Variants in RGS22 observed in about 807,000 individuals in gnomAD.
The protein encoded by RGS22 is regulator of G-protein signaling 22.
Under a neutral mutation model 172.9 loss-of-function variants are expected in RGS22, and 148 were observed. That is an observed-to-expected ratio of 0.86 (90% CI 0.75 to 0.98). The LOEUF is 0.98. RGS22 is among the 50% of genes least tolerant of loss of function. The pLI is 0.00. For synonymous variants in RGS22, 458 were observed against 480.2 expected (o/e 0.95, Z 0.60); for missense variants, 1,347 against 1,440.8 (o/e 0.93, Z 1.05).
chr8:99,961,544 T>C (rs150900435), intron 27 of RGS22, among the ~76,000 whole-genome samples: 2 of 152,326 alleles, frequency 1.3e-5, no homozygotes, highest in African/African-American at 4.8e-5. Flanking sequence ...TCAGCCATGA[T>C]TGTAAGTTTC....
chr8:100,002,091 A>G, intron 18 of RGS22, 111 bp downstream of exon 18: 1 of 753,452 alleles, frequency 1.3e-6, no homozygotes, highest in Non-Finnish European at 2.1e-6. Flanking sequence ...TTAACACATT[A>G]GTCATAAGCA....
rs62532876 is a variant in RGS22, at chr8:100,028,918, C to T, written c.2166+10013G>A. On this transcript the variant is annotated intron_variant, in intron 14 of 27. Transcript: ENST00000360863. ...AATATAGCAACGGTGATGATTTGTACGTGATTACATGTATGTGGTTACATT... is the reference window on the plus strand; with the variant it reads ...AATATAGCAACGGTGATGATTTGTATGTGATTACATGTATGTGGTTACATT... Among the ~76,000 whole-genome samples the T allele has an allele frequency of 1.3e-3, 203 of 152,236 alleles. 2 individuals are homozygous for T. Among genetic ancestry groups the T allele is most frequent in the Non-Finnish European group, 1.8e-3 (122 of 68,020 alleles).
intron 2 of RGS22, 25 bp downstream of exon 2, chr8:100,105,349 A>G (rs775667317): frequency 6.3e-7 from 1 of 1,592,344 alleles, no homozygotes; most frequent in Non-Finnish European, 8.6e-7. Context: ...CAAAGAAAAA[A>G]ATAGCCCCTT....
chr8:99,982,235 G>T, intron 21 of RGS22, 119 bp from the exon 22 acceptor site: 1 of 745,698 alleles, frequency 1.3e-6, no homozygotes, highest in Non-Finnish European at 2.0e-6. Flanking sequence ...CAAGAAGGCA[G>T]TGGGATATTT....
chr8:99,979,100 G>A (rs1341487818), intron 22 of RGS22, among the ~76,000 whole-genome samples: 4 of 152,042 alleles, frequency 2.6e-5, no homozygotes, highest in Admixed American at 1.3e-4. Flanking sequence ...TTGATGAAAC[G>A]CAGGCTTTTA....
chr8:100,070,397 TCAAAAAA>T (rs1810880559), intron 6 of RGS22, among the ~76,000 whole-genome samples: 1 of 152,140 alleles, frequency 6.6e-6, no homozygotes, highest in Admixed American at 6.5e-5. Flanking sequence ...AAGCCTAATT[TCAAAAAA>T]CTATTTGAGA....
At chr8:99,994,470 A>T (rs1378156122) in intron 20 of RGS22, among the ~76,000 whole-genome samples, 1 of 152,200 alleles carries the variant, frequency 6.6e-6, no homozygotes, top group African/African-American at 2.4e-5. Flanking sequence ...TGCAATATTA[A>T]CAGACAAACA....
intron 20 of RGS22, among the ~76,000 whole-genome samples, chr8:99,990,430 A>G (rs893213885): frequency 2.0e-5 from 3 of 152,142 alleles, no homozygotes; most frequent in African/African-American, 7.2e-5. Flanking sequence ...CCTTTAAGCC[A>G]TCTCCAAGCC....
rs138639258 is a variant in RGS22, at chr8:100,025,229, C to T, written c.2166+13702G>A. ...AAACATGACAAAATGCGATGCAACACGAGAACCCTGCTGATTCTGTGCTCA... is the reference window on the plus strand; with the variant it reads ...AAACATGACAAAATGCGATGCAACATGAGAACCCTGCTGATTCTGTGCTCA... On this transcript the variant is annotated intron_variant, in intron 14 of 27. Transcript: ENST00000360863. Among the ~76,000 whole-genome samples the T allele has an allele frequency of 8.1e-3, 1,228 of 152,260 alleles. 11 individuals are homozygous for T. The highest frequency in any genetic ancestry group is 0.011 in the Non-Finnish European group (778 of 68,026).
intron 6 of RGS22, among the ~76,000 whole-genome samples, chr8:100,069,661 T>G (rs1810800703): frequency 6.6e-6 from 1 of 152,198 alleles, no homozygotes; most frequent in Non-Finnish European, 1.5e-5. Context: ...ATCCAAATTA[T>G]AGCAATTTTG....
chr8:100,092,556 AG>A (rs948198592), intron 3 of RGS22, among the ~76,000 whole-genome samples: 25 of 152,298 alleles, frequency 1.6e-4, no homozygotes, highest in African/African-American at 6.0e-4. Context: ...TTGTTATAAA[AG>A]TGAGGTCAGC....
At chr8:99,984,165 A>G (rs1265898371) in intron 21 of RGS22, among the ~76,000 whole-genome samples, 5 of 152,130 alleles carry the variant, frequency 3.3e-5, no homozygotes, top group Non-Finnish European at 7.4e-5. Context: ...GCATGCCTGT[A>G]GTCCCAGCTA....
rs894056565 is a variant in RGS22 at position 99,987,639 on chromosome 8, T to C, written c.3019-20A>G. On this transcript the variant is annotated intron_variant, in intron 20 of 27. Coordinates refer to ENST00000360863, the MANE Select transcript of RGS22 (RefSeq NM_015668.5). The stretch of plus-strand genomic sequence containing the variant: ...CACAGGCTGTCCAAAGCAGAGAATA[T>C]AGGAAATTAGCTCATTAATTAGGCT... 3 of 1,508,776 alleles carry C rather than the reference T, an allele frequency of 2.0e-6. No homozygotes were observed. Among genetic ancestry groups the C allele is most frequent in the Non-Finnish European group, 2.7e-6 (3 of 1,125,720 alleles). The allele number at this position is 1,508,776 out of a possible 1,614,324, so 93.5% of individuals were successfully genotyped here.
chr8:100,089,856 C>T (rs535605789), intron 3 of RGS22, among the ~76,000 whole-genome samples: 1 of 152,202 alleles, frequency 6.6e-6, no homozygotes, highest in East Asian at 1.9e-4. Context: ...GTTCTATAGA[C>T]ATCATAGCAT....
intron 2 of RGS22, among the ~76,000 whole-genome samples, chr8:100,099,059 G>A (rs1813259725): frequency 6.6e-6 from 1 of 151,922 alleles, no homozygotes; most frequent in African/African-American, 2.4e-5. Context: ...GGGACTACAG[G>A]TGCATGCCAC....
At chr8:99,966,261 T>A (rs1416418850) in intron 23 of RGS22, among the ~76,000 whole-genome samples, 2 of 152,062 alleles carry the variant, frequency 1.3e-5, no homozygotes, top group Non-Finnish European at 2.9e-5. Flanking sequence ...TAACAGACAC[T>A]GGTGACTCCA....
At position 100,064,054 on chromosome 8, in the gene RGS22, T is replaced by A. The variant is rs776755684; in HGVS notation, c.725-11A>T. ...CAAAGATAAAATTCTCTGTATTAAG[T>A]CATAAAAAGCTATTAGATTAGATAT... is the stretch of plus-strand genomic sequence containing the variant. On this transcript the variant is annotated splice_polypyrimidine_tract_variant and intron_variant, in intron 7 of 27. Transcript: ENST00000360863. 6.7e-7 allele frequency: 1 copy of A among 1,483,648 alleles called. No homozygotes were observed. The allele number at this position is 1,483,648 out of a possible 1,614,324, so 91.9% of individuals were successfully genotyped here. A position where few individuals can be genotyped will look rare whatever the true frequency, so the allele number is the denominator to read the frequency against.
At chr8:99,998,219 T>C (rs1000350232) in intron 19 of RGS22, among the ~76,000 whole-genome samples, 1 of 152,206 alleles carries the variant, frequency 6.6e-6, no homozygotes, top group Non-Finnish European at 1.5e-5. Context: ...AACAACTATA[T>C]TAATAGATAA....
At chr8:100,016,483 T>A (rs1219738644) in intron 14 of RGS22, among the ~76,000 whole-genome samples, 1 of 151,958 alleles carries the variant, frequency 6.6e-6, no homozygotes, top group Non-Finnish European at 1.5e-5. Flanking sequence ...TCCTTAAGAA[T>A]AATACACTCT....
Sources: gnomAD v4.1 joint callset for allele counts (sites outside exome capture counted in the v4.1 genomes callset) on GRCh38, gnomAD v4.1.1 for gene constraint, MANE v1.5 for transcripts, NCBI Gene and HGNC (gene_info 2026-07-23, HGNC 2026-07-21) for gene names.